The following NUP133 variants were observed in gnomAD, a reference collection of about 807,000 sequenced individuals.
NUP133 encodes nucleoporin 133.
NUP133 carries 66 observed loss-of-function variants against 146.2 expected under a neutral mutation model. The observed-to-expected ratio is 0.45, with a 90% CI of 0.37 to 0.55. The LOEUF (loss-of-function observed/expected upper bound fraction) is 0.55. NUP133 is among the 20% of genes least tolerant of loss of function. The probability of loss-of-function intolerance (pLI) is 0.00; values close to 1 mark genes in which losing one functional copy is unlikely to be tolerated. For missense variants in NUP133, 1,277 were observed against 1,374.8 expected, an observed-to-expected ratio of 0.93 and a Z score of 1.12; for synonymous variants, 521 against 498.8, an observed-to-expected ratio of 1.04 and a Z score of -0.59.
intron 1 of NUP133, among the ~76,000 whole-genome samples, chr1:229,506,789 C>T (rs1204881251): frequency 6.7e-6 from 1 of 148,804 alleles, no homozygotes; most frequent in Non-Finnish European, 1.5e-5. Context: ...CAGCCTGTAG[C>T]CTGGGCGACA....
chr1:229,466,097 G>A (rs150301937), intron 16 of NUP133, among the ~76,000 whole-genome samples: 5 of 152,186 alleles, frequency 3.3e-5, no homozygotes, highest in Non-Finnish European at 5.9e-5. Context: ...TAAATGGAAC[G>A]TTTTAGTCAA....
intron 8 of NUP133, among the ~76,000 whole-genome samples, chr1:229,495,171 T>C (rs1002469566): frequency 2.6e-5 from 4 of 152,176 alleles, no homozygotes; most frequent in Non-Finnish European, 5.9e-5. Flanking sequence ...GGAGGGTTGC[T>C]TGAGCCCAGG....
chr1:229,502,177 G>C, intron 2 of NUP133, 75 bp from the exon 3 acceptor site: 1 of 1,080,290 alleles, frequency 9.3e-7, no homozygotes, highest in Non-Finnish European at 1.4e-6. Context: ...TCAAAAAAAA[G>C]TAATTGGCAC....
intron 18 of NUP133, 66 bp from the exon 19 acceptor site, chr1:229,463,742 G>T: frequency 6.8e-7 from 1 of 1,465,744 alleles, no homozygotes. Flanking sequence ...AATAAAAAAT[G>T]TTACTTGAAA....
At chr1:229,506,310 T>C in intron 1 of NUP133, 152 bp from the exon 2 acceptor site, 2 of 444,392 alleles carry the variant, frequency 4.5e-6, no homozygotes, top group Non-Finnish European at 8.1e-6. Context: ...ATTTTTCATG[T>C]AAAAAAAAAA....
At chr1:229,469,823 T>G (rs1469131811) in intron 15 of NUP133, among the ~76,000 whole-genome samples, 1 of 152,028 alleles carries the variant, frequency 6.6e-6, no homozygotes, top group African/African-American at 2.4e-5. Flanking sequence ...GAGTCAAGAG[T>G]AGATCTGCCT....
intron 21 of NUP133, among the ~76,000 whole-genome samples, chr1:229,453,055 A>G (rs897351202): frequency 2.0e-5 from 3 of 152,062 alleles, no homozygotes; most frequent in Non-Finnish European, 4.4e-5. Flanking sequence ...CTTGAATAAC[A>G]AGGGGGATGG....
chr1:229,492,212 T>C (rs554270109), intron 8 of NUP133, among the ~76,000 whole-genome samples: 1 of 151,814 alleles, frequency 6.6e-6, no homozygotes, highest in Non-Finnish European at 1.5e-5. Flanking sequence ...GTTCAAGCAA[T>C]TCTCCTGCCT....
At chr1:229,473,735 C>T (rs566539394) in intron 14 of NUP133, among the ~76,000 whole-genome samples, 198 of 152,192 alleles carry the variant, frequency 1.3e-3, no homozygotes, top group Admixed American at 2.4e-3. Context: ...CTAGCCTGGG[C>T]AATATGGCAA....
chr1:229,492,315 C>T (rs1013537081), intron 8 of NUP133, among the ~76,000 whole-genome samples: 1 of 152,044 alleles, frequency 6.6e-6, no homozygotes, highest in Non-Finnish European at 1.5e-5. Context: ...CCATGTTGGT[C>T]AGGCTGGTCT....
At chr1:229,477,474 TA>T in intron 13 of NUP133, 122 bp downstream of exon 13, 1 of 746,260 alleles carries the variant, frequency 1.3e-6, no homozygotes, top group Non-Finnish European at 2.0e-6. Context: ...CACAATATTT[TA>T]AAAAATATTG....
Position 229,475,742 on chromosome 1 carries a change from C to T in NUP133, c.1757-10G>A, listed in dbSNP as rs1235420782. On this transcript the variant is annotated splice_polypyrimidine_tract_variant and intron_variant, in intron 13 of 25. Coordinates refer to ENST00000261396, the MANE Select transcript of NUP133 (RefSeq NM_018230.3). ...CTGAACCCAGGTGCTTCTGTTAAAA[C>T]ACAGTGATAAAACTTAGAACATAGT... is the stretch of plus-strand genomic sequence containing the variant. 1 of 1,600,136 alleles carries T rather than the reference C, an allele frequency of 6.2e-7. No individual in the cohort carries two copies. Among genetic ancestry groups the T allele is most frequent in the Non-Finnish European group, 8.6e-7 (1 of 1,167,374 alleles).
chr1:229,453,717 G>C (rs1175757320), intron 21 of NUP133, among the ~76,000 whole-genome samples: 1 of 152,168 alleles, frequency 6.6e-6, no homozygotes, highest in East Asian at 1.9e-4. Context: ...AGTAAGTACA[G>C]TATGTATTAG....
chr1:229,506,449 GTTTTTT>G (rs35852954), intron 1 of NUP133, among the ~76,000 whole-genome samples: 58 of 107,412 alleles, frequency 5.4e-4, no homozygotes, highest in Non-Finnish European at 9.9e-4. Context: ...CTAGACCAGT[GTTTTTT>G]TTTTTTTTTT....
At chr1:229,447,684 C>T (rs762423365) in intron 24 of NUP133, among the ~76,000 whole-genome samples, 5 of 152,126 alleles carry the variant, frequency 3.3e-5, no homozygotes, top group Non-Finnish European at 5.9e-5. Context: ...AAACACAAAA[C>T]GACAGGGTTT....
Position 229,486,476 on chromosome 1 carries a change from A to G in NUP133, c.1395T>C (p.Ser465=), listed in dbSNP as rs1434853799. Residue 465 remains serine, a synonymous_variant, in exon 11 of 26, where the codon TCT becomes TCC. Coordinates refer to ENST00000261396, the MANE Select transcript of NUP133 (RefSeq NM_018230.3). ...TAATAGACACCAGTCCACTGTTTCT[A>G]GAAAAAATGATAGGAACACCACCAC... The part of the protein sequence containing the change: ...GACGGVPIIF[S]RNSGLVSITS... 6.2e-7 allele frequency: 1 copy of G among 1,610,938 alleles called. No homozygotes were observed. The highest frequency in any genetic ancestry group is 8.5e-7 in the Non-Finnish European group (1 of 1,179,084).
intron 25 of NUP133, 97 bp from the exon 26 acceptor site, chr1:229,442,137 AATATAACGTC>A: frequency 8.5e-7 from 1 of 1,183,322 alleles, no homozygotes; most frequent in Non-Finnish European, 1.2e-6. Context: ...CTTCTATTTA[AATATAACGTC>A]ACTTTGCTGT....
chr1:229,484,998 C>A (rs1042320915), intron 11 of NUP133, among the ~76,000 whole-genome samples: 3 of 152,070 alleles, frequency 2.0e-5, no homozygotes, highest in African/African-American at 4.8e-5. Context: ...ATATTTCATA[C>A]ACTATTCAAA....
chr1:229,483,236 T>C (rs1661260353), intron 12 of NUP133, among the ~76,000 whole-genome samples: 1 of 152,152 alleles, frequency 6.6e-6, no homozygotes, highest in Admixed American at 6.5e-5. Context: ...TAGCTGGGAC[T>C]AGAGGCGTGC....
Sources: gnomAD v4.1 joint callset for allele counts (sites outside exome capture counted in the v4.1 genomes callset) on GRCh38, gnomAD v4.1.1 for gene constraint, MANE v1.5 for transcripts, NCBI Gene and HGNC (gene_info 2026-07-23, HGNC 2026-07-21) for gene names.